NIN: variants seen among roughly 807,000 people sequenced by gnomAD.
The protein encoded by NIN is glycogen synthase kinase 3 beta-interacting protein.
A neutral mutation model predicts 257.6 loss-of-function variants in NIN; 137 were observed. The ratio of observed to expected loss-of-function variants is 0.53; its 90% CI spans 0.46 to 0.61. The LOEUF (loss-of-function observed/expected upper bound fraction) is 0.61, where lower values mean the gene tolerates loss of function less well. Among genes scored for constraint, NIN ranks in the 20% least tolerant of loss-of-function variants. The pLI is 0.00. For synonymous variants in NIN, 918 were observed against 919.8 expected, an observed-to-expected ratio of 1.00 and a Z score of 0.04; for missense variants, 2,439 against 2,501.2, an observed-to-expected ratio of 0.98 and a Z score of 0.53.
chr14:50,769,887 A>G (rs531367296), intron 12 of NIN, among the ~76,000 whole-genome samples: 1 of 151,764 alleles, frequency 6.6e-6, no homozygotes, highest in South Asian at 2.1e-4. Context: ...AGGCTGTGGT[A>G]AGTTATAACT....
chr14:50,827,768 A>AG (rs945705959), intron 2 of NIN, among the ~76,000 whole-genome samples: 1 of 151,256 alleles, frequency 6.6e-6, no homozygotes, highest in African/African-American at 2.4e-5. Context: ...AAAAAAAAAA[A>AG]AAAAAGAAAG....
intron 27 of NIN, among the ~76,000 whole-genome samples, chr14:50,737,725 A>G (rs1033779502): frequency 6.7e-6 from 1 of 150,200 alleles, no homozygotes; most frequent in Non-Finnish European, 1.5e-5. Flanking sequence ...GCTCACTGCA[A>G]CCTCCGCCTC....
chr14:50,769,942 CAA>C (rs1176244770), intron 12 of NIN, among the ~76,000 whole-genome samples: 36 of 84,298 alleles, frequency 4.3e-4, no homozygotes, highest in Admixed American at 6.7e-4. Context: ...GACCCCATCT[CAA>C]AAAAAAAAAA....
rs140862061 is a variant in NIN, at chr14:50,720,511, C to T, written c.*2952G>A. The T allele has an allele frequency of 5.6e-3, 1,177 of 209,802 alleles. 3 individuals are homozygous for T. Among genetic ancestry groups the T allele is most frequent in the Non-Finnish European group, 8.9e-3 (910 of 102,816 alleles). 13.0% of individuals were successfully genotyped at this position (209,802 alleles called of 1,614,324 possible). On this transcript the variant is annotated 3_prime_UTR_variant, in exon 31 of 31. Transcript: ENST00000530997. The stretch of plus-strand genomic sequence containing the variant: ...GTGCATTATTAAAATACTAGACCTG[C>T]AAGATCTCTTCCTATGCCTTGGAAG...
rs559970970 is a variant in NIN, at chr14:50,742,629, C to T, written c.5301+787G>A. Among the ~76,000 whole-genome samples the T allele has an allele frequency of 5.3e-5, 8 of 152,178 alleles. No homozygotes were observed. The South Asian group carries it at 8.3e-4, about 16-fold the overall frequency. On this transcript the variant is annotated intron_variant, in intron 24 of 30. Transcript: ENST00000530997. The stretch of plus-strand genomic sequence containing the variant: ...CAGGATGGTCTTGATCTCTTGACCT[C>T]GTGATCCGCCTGCCTCAGCCTCCCA...
chr14:50,755,510 A>G (rs1029345494), intron 18 of NIN, among the ~76,000 whole-genome samples: 4 of 151,916 alleles, frequency 2.6e-5, no homozygotes, highest in African/African-American at 9.7e-5. Context: ...AGACTATGCA[A>G]TTATATTTTA....
At chr14:50,766,746 T>C in intron 13 of NIN, 34 bp downstream of exon 13, 1 of 1,417,768 alleles carries the variant, frequency 7.1e-7, no homozygotes, top group Non-Finnish European at 1.0e-6. Context: ...TAAAGTAGGC[T>C]GCCTATCAGG....
intron 7 of NIN, among the ~76,000 whole-genome samples, chr14:50,773,750 A>AAGG (rs1458922340): frequency 6.6e-6 from 1 of 152,228 alleles, no homozygotes; most frequent in Non-Finnish European, 1.5e-5. Flanking sequence ...ATGTAAAGGC[A>AAGG]AGGGAGTTTT....
intron 2 of NIN, among the ~76,000 whole-genome samples, chr14:50,826,502 A>C (rs1314011711): frequency 6.6e-6 from 1 of 152,246 alleles, no homozygotes; most frequent in Non-Finnish European, 1.5e-5. Flanking sequence ...CGACTCTGAC[A>C]GTGGTGTTCA....
chr14:50,785,989 T>A (rs769875627), intron 5 of NIN, among the ~76,000 whole-genome samples: 2 of 152,186 alleles, frequency 1.3e-5, no homozygotes, highest in Non-Finnish European at 2.9e-5. Flanking sequence ...GGCAATTAAG[T>A]GCTACAAGTG....
intron 17 of NIN, among the ~76,000 whole-genome samples, chr14:50,758,877 A>G (rs1273249373): frequency 6.6e-6 from 1 of 152,202 alleles, no homozygotes; most frequent in East Asian, 1.9e-4. Flanking sequence ...AAATCTTAGA[A>G]ACTAATTTCT....
rs556150653 is a variant in NIN at position 50,739,435 on chromosome 14, T to C, written c.5501A>G (p.Lys1834Arg). Residue 1834 changes from lysine (K) to arginine (R), a missense_variant, in exon 26 of 31, where the codon AAA becomes AGA. Coordinates refer to ENST00000530997, the MANE Select transcript of NIN (RefSeq NM_020921.4). ...ATCCAACTTGTCCCAGGACAGCCTT[T>C]TCTGCTGGTTATGGAGCCCTGATGG... ...THPSGLHNQQKRLSWDKLDHL... is the reference protein window; with the variant it reads ...THPSGLHNQQRRLSWDKLDHL... 2 of 1,614,244 alleles carry C rather than the reference T, an allele frequency of 1.2e-6. No homozygotes were observed. Among genetic ancestry groups the C allele is most frequent in the Admixed American group, 3.3e-5 (2 of 60,032 alleles).
In NIN at chr14:50,756,798, C is replaced by G; in HGVS notation, c.4232G>C (p.Trp1411Ser). 6.4e-7 allele frequency: 1 copy of G among 1,551,592 alleles called. No homozygotes were observed. Among genetic ancestry groups the G allele is most frequent in the Non-Finnish European group, 8.7e-7 (1 of 1,146,964 alleles). ...ATGTGTCTGAATTGTTCCATGTAACCAGGCAATTTCATGTGCTTTTACTTT... is the reference window on the plus strand; with the variant it reads ...ATGTGTCTGAATTGTTCCATGTAACGAGGCAATTTCATGTGCTTTTACTTT... ...LEKVKAHEIA[W>S]LHGTIQTHQE... The change falls in exon 18 of 31, where the codon TGG becomes TCG. Residue 1411 changes from tryptophan to serine, a missense_variant. Coordinates refer to ENST00000530997, the MANE Select transcript of NIN (RefSeq NM_020921.4).
rs201160336 is a variant in NIN at position 50,744,219 on chromosome 14, G to T, written c.5187+24C>A. The T allele has an allele frequency of 1.9e-6, 3 of 1,611,460 alleles. No individual in the cohort carries two copies. The East Asian group carries it at 6.7e-5, about 36-fold the overall frequency. On this transcript the variant is annotated intron_variant, in intron 23 of 30. Transcript: ENST00000530997. ...ATGGTGTGTATTGTATACGATGATG[G>T]TAAAGTCTTATTACTTCTACTACCT...
In NIN at chr14:50,772,322, C is replaced by G. The variant is rs1447321373; in HGVS notation, c.960G>C (p.Glu320Asp). ...ACACCTTCAGGATCTCCTGGCTGTT[C>G]TCAATGCCCTCTTCCTGCCAGGTGT... ...ILDTWQEEGIENSQEILKALD... is the reference protein window; with the variant it reads ...ILDTWQEEGIDNSQEILKALD... Residue 320 changes from glutamate (E) to aspartate (D), a missense_variant, in exon 9 of 31, where the codon GAG becomes GAC. Physicochemically the swap from Glu to Asp is conservative, Grantham distance 45. This residue lies in a region of NIN where 387 missense variants were observed against 427.3 expected (regional missense o/e 0.91). Transcript: ENST00000530997. The G allele has an allele frequency of 1.9e-6, 3 of 1,610,004 alleles. No individual in the cohort carries two copies. Among genetic ancestry groups the G allele is most frequent in the Non-Finnish European group, 2.5e-6 (3 of 1,176,682 alleles).
At position 50,721,528 on chromosome 14, in the gene NIN, T is replaced by C; in HGVS notation, c.*1935A>G. 1 of 218,144 alleles carries C rather than the reference T, an allele frequency of 4.6e-6. No individual in the cohort carries two copies. The highest frequency in any genetic ancestry group is 5.8e-5 in the Admixed American group (1 of 17,288). 13.5% of individuals were successfully genotyped at this position (218,144 alleles called of 1,614,324 possible). On this transcript the variant is annotated 3_prime_UTR_variant, in exon 31 of 31. Transcript: ENST00000530997. ...ACAGGTACTTAGTTTATTTTTGTCC[T>C]TAGCCTAGGCCAATCCACAGTTTTA...
intron 28 of NIN, chr14:50,731,081 T>C (rs923443106): frequency 6.6e-6 from 3 of 455,988 alleles, no homozygotes; most frequent in Admixed American, 2.8e-5. Flanking sequence ...CAGTACTAAT[T>C]AGGTCTATTA....
intron 14 of NIN, among the ~76,000 whole-genome samples, chr14:50,765,925 C>T (rs528244797): frequency 1.7e-4 from 25 of 150,774 alleles, no homozygotes; most frequent in Admixed American, 9.3e-4. Context: ...TGTATACATG[C>T]GCCATGCTGG....
At position 50,737,578 on chromosome 14, in the gene NIN, GCTT is replaced by G. The variant is rs144394616; in HGVS notation, c.5775+559_5775+561del. Among the ~76,000 whole-genome samples, 1,123 of 148,734 alleles carry G rather than the reference GCTT, an allele frequency of 7.6e-3. 17 individuals carry two copies. The highest frequency in any genetic ancestry group is 0.026 in the African/African-American group (1,043 of 40,638). On this transcript the variant is annotated intron_variant, in intron 27 of 30. Transcript: ENST00000530997. ...ATAAATATTTTGCCAACTTATAAGGGCTTCTAATACTAATAAAGATGATTAATT... is the reference window on the plus strand; with the variant it reads ...ATAAATATTTTGCCAACTTATAAGGGCTAATACTAATAAAGATGATTAATT...
Sources: gnomAD v4.1 joint callset for allele counts (sites outside exome capture counted in the v4.1 genomes callset) on GRCh38, gnomAD v4.1.1 for gene constraint, gnomAD v4.1.1 regional missense constraint, MANE v1.5 for transcripts, NCBI Gene and HGNC (gene_info 2026-07-23, HGNC 2026-07-21) for gene names.